ZBED1: variants seen among roughly 807,000 people sequenced by gnomAD.
The protein encoded by ZBED1 is zinc finger BED-type containing 1, also known as E3 SUMO-protein ligase ZBED1.
Under a neutral mutation model 49.7 loss-of-function variants are expected in ZBED1, and 19 were observed. The observed-to-expected ratio is 0.38, with a 90% CI of 0.27 to 0.56. The LOEUF (loss-of-function observed/expected upper bound fraction) is 0.56. ZBED1 is among the 20% of genes least tolerant of loss of function. The pLI is 0.70. For missense variants in ZBED1, 806 were observed against 972.6 expected (o/e 0.83, Z 2.28); for synonymous variants, 439 against 440.3 (o/e 1.00, Z 0.04).
chrX:2,496,804 T>G (rs748729867), intron 1 of ZBED1, among the ~76,000 whole-genome samples: 2 of 150,558 alleles, frequency 1.3e-5, no homozygotes, highest in South Asian at 4.2e-4. Context: ...ATCAATTGTT[T>G]TTATTTACAT....
Position 2,489,576 on chromosome X carries a change from G to A in ZBED1, c.1144C>T (p.His382Tyr), listed in dbSNP as rs759740581. Residue 382 changes from histidine to tyrosine, a missense_variant, in exon 2 of 2, where the codon CAC (histidine) becomes TAC (tyrosine). Transcript: ENST00000652001. ...AGVLVEDSNN[H>Y]HLMLEASEWA... ...TCGCTGGCCTCCAGCATGAGGTGGT[G>A]GTTGTTGCTGTCCTCCACCAAGACC... 13 of 1,612,644 alleles carry A rather than the reference G, an allele frequency of 8.1e-6. No homozygotes were observed. Among genetic ancestry groups the A allele is most frequent in the African/African-American group, 4.0e-5 (3 of 75,000 alleles).
At chrX:2,498,558 G>A (rs757819699) in intron 1 of ZBED1, among the ~76,000 whole-genome samples, 71 of 149,442 alleles carry the variant, frequency 4.8e-4, no homozygotes, top group African/African-American at 1.6e-3. Flanking sequence ...TCCCTTGGCA[G>A]ACACGTGACT....
At position 2,488,297 on chromosome X, in the gene ZBED1, C is replaced by T. The variant is rs1414534557; in HGVS notation, c.*338G>A. ...GTTCAAGCGATTCTCTGGCCTCAGCCTCCAGAAGCTGGGATTACAGGCACA... is the reference window on the plus strand; with the variant it reads ...GTTCAAGCGATTCTCTGGCCTCAGCTTCCAGAAGCTGGGATTACAGGCACA... On this transcript the variant is annotated 3_prime_UTR_variant, in exon 2 of 2. Coordinates refer to ENST00000652001, the MANE Select transcript of ZBED1 (RefSeq NM_001171136.2). The T allele has an allele frequency of 3.8e-6, 1 of 266,600 alleles. No individual in the cohort carries two copies. Among genetic ancestry groups the T allele is most frequent in the Non-Finnish European group, 7.0e-6 (1 of 143,512 alleles). 16.5% of individuals were successfully genotyped at this position (266,600 alleles called of 1,614,324 possible). A position where few individuals can be genotyped will look rare whatever the true frequency, so the allele number is the denominator to read the frequency against.
In ZBED1 at chrX:2,490,212, T is replaced by C. The variant is rs781613291; in HGVS notation, c.508A>G (p.Thr170Ala). The change falls in exon 2 of 2, where the codon ACC becomes GCC. Residue 170 changes from threonine (T) to alanine (A), a missense_variant. By Grantham distance (58) the Thr-to-Ala change is moderately conservative. Transcript: ENST00000652001. ...YELPSRKYIS[T>A]KAIPEKYGAV... ...CCGTACTTCTCAGGGATGGCCTTGGTAGAGATGTACTTCCGGCTGGGCAGC... is the reference window on the plus strand; with the variant it reads ...CCGTACTTCTCAGGGATGGCCTTGGCAGAGATGTACTTCCGGCTGGGCAGC... The C allele has an allele frequency of 6.2e-7, 1 of 1,613,890 alleles. No individual in the cohort carries two copies. The highest frequency in any genetic ancestry group is 8.5e-7 in the Non-Finnish European group (1 of 1,179,856).
chrX:2,500,028 A>T (rs193270912), intron 1 of ZBED1, among the ~76,000 whole-genome samples: 42 of 152,242 alleles, frequency 2.8e-4, no homozygotes, highest in East Asian at 7.7e-4. Flanking sequence ...CTATTACAAA[A>T]AATAATAATA....
chrX:2,490,548 C>T lies in ZBED1; in HGVS notation c.172G>A (p.Gly58Arg). The change falls in exon 2 of 2, where the codon GGA becomes AGA. Residue 58 changes from glycine to arginine, a missense_variant. Gly to Arg is a moderately radical substitution (Grantham distance 125, BLOSUM62 -2). Around this residue, in one of 2 missense-constraint regions of ZBED1, gnomAD observed 57 missense variants for 111.3 expected, o/e 0.51. Transcript: ENST00000652001. The stretch of plus-strand genomic sequence containing the variant: ...TGGTAGGACAGGTTGGAGGTGTTTC[C>T]GGAGTAGGCGATCTGGGCCATGCAG... ...RICMAQIAYS[G>R]NTSNLSYHLE... The T allele has an allele frequency of 6.2e-7, 1 of 1,613,948 alleles. No homozygotes were observed. The highest frequency in any genetic ancestry group is 1.1e-5 in the South Asian group (1 of 91,068).
At position 2,489,700 on chromosome X, in the gene ZBED1, G is replaced by A. The variant is rs1446372464; in HGVS notation, c.1020C>T (p.Asn340=). The A allele has an allele frequency of 1.3e-5, 21 of 1,612,820 alleles. No individual in the cohort carries two copies. Among genetic ancestry groups the A allele is most frequent in the Middle Eastern group, 1.9e-4 (1 of 5,238 alleles). ...TGCTCACCAGCATGCAGTGGGCCAC[G>A]TTCTGCTGCTTCTGCTTCTCATAGA... The part of the protein sequence containing the change: ...YMLYEKQKQQ[N]VAHCMLVSNR... The change falls in exon 2 of 2, where the codon AAC becomes AAT. Residue 340 remains asparagine (N), a synonymous_variant. Transcript: ENST00000652001.
Position 2,489,627 on chromosome X carries a change from T to C in ZBED1, c.1093A>G (p.Lys365Glu). Residue 365 changes from lysine to glutamate, a missense_variant, in exon 2 of 2, where the codon AAG (lysine) becomes GAG (glutamate). Transcript: ENST00000652001. ...GSTLAMLQRL[K>E]EQQFVIAGVL... ...CCGGCGATGACGAACTGCTGCTCCT[T>C]GAGGCGCTGCAGCATGGCCAGCGTG... 1 of 1,612,476 alleles carries C rather than the reference T, an allele frequency of 6.2e-7. No homozygotes were observed. Among genetic ancestry groups the C allele is most frequent in the Non-Finnish European group, 8.5e-7 (1 of 1,179,770 alleles).
At chrX:2,497,240 A>T (rs1219530580) in intron 1 of ZBED1, among the ~76,000 whole-genome samples, 5 of 152,180 alleles carry the variant, frequency 3.3e-5, no homozygotes, top group Non-Finnish European at 5.9e-5. Flanking sequence ...CTAAAAATAC[A>T]AAATGAGCCA....
Position 2,498,714 on chromosome X carries a change from G to A in ZBED1, c.-54+2103C>T, listed in dbSNP as rs769256480. On this transcript the variant is annotated intron_variant, in intron 1 of 1. Transcript: ENST00000652001. ...GCCAGCATTTTGGTGAGCTGCTGCA[G>A]GAACCCCGGCCTCTTCTGCCAGGGC... 2.6e-5 allele frequency among the ~76,000 whole-genome samples: 4 copies of A among 152,114 alleles called. No homozygotes were observed. The South Asian group carries it at 8.3e-4, about 32-fold the overall frequency.
chrX:2,500,273 T>TAGA (rs2045383261), intron 1 of ZBED1: 1 of 172,544 alleles, frequency 5.8e-6, no homozygotes, highest in Non-Finnish European at 1.3e-5. Context: ...GGGCCCCCTC[T>TAGA]GGAGACGTCC....
chrX:2,489,701 T>C lies in ZBED1; in HGVS notation c.1019A>G (p.Asn340Ser), dbSNP rs1243669721. ...GCTCACCAGCATGCAGTGGGCCACG[T>C]TCTGCTGCTTCTGCTTCTCATAGAG... ...YMLYEKQKQQ[N>S]VAHCMLVSNR... is the part of the protein sequence containing the mutation. Residue 340 changes from asparagine (N) to serine (S), a missense_variant, in exon 2 of 2, where the codon AAC becomes AGC. Asn to Ser is a conservative substitution (Grantham distance 46). Coordinates refer to ENST00000652001, the MANE Select transcript of ZBED1 (RefSeq NM_001171136.2). 2 of 1,612,732 alleles carry C rather than the reference T, an allele frequency of 1.2e-6. No homozygotes were observed. Among genetic ancestry groups the C allele is most frequent in the African/African-American group, 2.7e-5 (2 of 75,008 alleles).
rs750777865 is a variant in ZBED1, at chrX:2,488,945, G to C, written c.1775C>G (p.Ser592Ter). The change falls in exon 2 of 2, where the codon TCA becomes TGA. Residue 592 changes from serine (S) to a stop codon, truncating the protein, a stop_gained. Coordinates refer to ENST00000652001, the MANE Select transcript of ZBED1 (RefSeq NM_001171136.2). LOFTEE classifies it high-confidence loss of function. ...CAGGGGGAAGAGGGCCAGGCGGTCT[G>C]ACCACCACTTGAGGGGGTCTTCGTT... is the stretch of plus-strand genomic sequence containing the variant. Reference protein sequence around the residue: ...GLNEDPLKWWSDRLALFPLLP... With the variant: ...GLNEDPLKWW 2.5e-6 allele frequency: 4 copies of C among 1,597,788 alleles called. No homozygotes were observed. Among genetic ancestry groups the C allele is most frequent in the Non-Finnish European group, 3.4e-6 (4 of 1,170,792 alleles).
At chrX:2,497,117 C>T (rs1415395578) in intron 1 of ZBED1, among the ~76,000 whole-genome samples, 3 of 152,008 alleles carry the variant, frequency 2.0e-5, no homozygotes, top group South Asian at 4.1e-4. Flanking sequence ...AATTGGAGGC[C>T]GGGGGCAGGG....
At position 2,489,881 on chromosome X, in the gene ZBED1, G is replaced by GAGC; in HGVS notation, c.836_838dup (p.Cys279dup). On this transcript the variant is annotated inframe_insertion, in exon 2 of 2. Transcript: ENST00000652001. ...CATGTGCACTGCGACGTCCAGCAGG[G>GAGC]AGCACGCCTTCACGATGTCCTTGCC... The GAGC allele has an allele frequency of 1.2e-6, 2 of 1,613,832 alleles. No individual in the cohort carries two copies. The highest frequency in any genetic ancestry group is 1.7e-6 in the Non-Finnish European group (2 of 1,179,872).
chrX:2,492,375 C>A (rs936968568), intron 1 of ZBED1, among the ~76,000 whole-genome samples: 1 of 151,854 alleles, frequency 6.6e-6, no homozygotes, highest in African/African-American at 2.4e-5. Flanking sequence ...AAACCCAGAA[C>A]GCCTGGAGCC....
chrX:2,488,975 C>A lies in ZBED1; in HGVS notation c.1745G>T (p.Gly582Val). ...CCACTTGAGGGGGTCTTCGTTGAGG[C>A]CAAGCACCTTCTGGGACTTGAAGTT... ...LSNFKSQKVL[G>V]LNEDPLKWWS... The change falls in exon 2 of 2, where the codon GGC becomes GTC. Residue 582 changes from glycine to valine, a missense_variant. Physicochemically the swap from Gly to Val is moderately radical, Grantham distance 109. Transcript: ENST00000652001. The A allele has an allele frequency of 6.2e-7, 1 of 1,600,412 alleles. No individual in the cohort carries two copies. Among genetic ancestry groups the A allele is most frequent in the South Asian group, 1.1e-5 (1 of 88,838 alleles).
At position 2,488,702 on chromosome X, in the gene ZBED1, T is replaced by C. The variant is rs2045020316; in HGVS notation, c.2018A>G (p.Gln673Arg). ...DEGEWGLDQE[Q>R]VFSLGDGVSG... ...GACGCCATCCCCCAAGGAGAACACC[T>C]GCTCCTGGTCCAGGCCCCACTCCCC... Residue 673 changes from glutamine to arginine, a missense_variant, in exon 2 of 2, where the codon CAG (glutamine) becomes CGG (arginine). Physicochemically the swap from Gln to Arg is conservative, Grantham distance 43 (BLOSUM62 1). Transcript: ENST00000652001. 6.2e-7 allele frequency: 1 copy of C among 1,613,744 alleles called. No individual in the cohort carries two copies. Among genetic ancestry groups the C allele is most frequent in the South Asian group, 1.1e-5 (1 of 91,074 alleles).
rs1357428755 is a variant in ZBED1, at chrX:2,500,935, GGCCGCGCCGCC to G, written c.-183_-173del. On this transcript the variant is annotated 5_prime_UTR_variant, in exon 1 of 2. Coordinates refer to ENST00000652001, the MANE Select transcript of ZBED1 (RefSeq NM_001171136.2). The stretch of plus-strand genomic sequence containing the variant: ...CAGACAATGGCGACATGGCTGCCCC[GGCCGCGCCGCC>G]GCCGCTTCCGCGCCGCCCGCGGGAC... The G allele has an allele frequency of 5.7e-6, 6 of 1,057,378 alleles. 1 individual carries two copies. The East Asian group carries it at 2.8e-4, about 49-fold the overall frequency. 65.5% of individuals were successfully genotyped at this position (1,057,378 alleles called of 1,614,324 possible). A position where few individuals can be genotyped will look rare whatever the true frequency, so the allele number is the denominator to read the frequency against.
Sources: allele counts gnomAD v4.1 joint callset (sites outside exome capture counted in the v4.1 genomes callset), GRCh38; gene constraint gnomAD v4.1.1; regional missense constraint gnomAD v4.1.1; transcripts MANE v1.5; gene names NCBI Gene and HGNC (gene_info 2026-07-23, HGNC 2026-07-21).